Variants in VIPR2 observed in about 807,000 individuals in gnomAD.
The protein encoded by VIPR2 is vasoactive intestinal peptide receptor 2.
VIPR2 carries 48 observed loss-of-function variants against 58.0 expected under a neutral mutation model. That is an observed-to-expected ratio of 0.83 (90% CI 0.66 to 1.05). VIPR2 has a LOEUF of 1.05. Among genes scored for constraint, VIPR2 ranks in the 50% least tolerant of loss-of-function variants. The pLI is 0.00. For synonymous variants in VIPR2, 243 were observed against 235.2 expected (o/e 1.03, Z -0.30); for missense variants, 534 against 558.0 (o/e 0.96, Z 0.43).
intron 2 of VIPR2, among the ~76,000 whole-genome samples, chr7:159,137,835 AGTT>A (rs1797292202): frequency 6.6e-6 from 1 of 152,232 alleles, no homozygotes; most frequent in South Asian, 2.1e-4. Flanking sequence ...CAGTCCAAAA[AGTT>A]ATTTGGACTA....
At chr7:159,042,046 G>A (rs1277560612) in intron 6 of VIPR2, among the ~76,000 whole-genome samples, 2 of 152,200 alleles carry the variant, frequency 1.3e-5, no homozygotes, top group African/African-American at 4.8e-5. Context: ...TCACGCGCCA[G>A]CTTATCCCCA....
rs1053923574 is a variant in VIPR2, at chr7:159,098,186, G to A, written c.357+5571C>T. Among the ~76,000 whole-genome samples, 2 of 152,230 alleles carry A rather than the reference G, an allele frequency of 1.3e-5. No homozygotes were observed. Among genetic ancestry groups the A allele is most frequent in the African/African-American group, 4.8e-5 (2 of 41,462 alleles). The stretch of plus-strand genomic sequence containing the variant: ...TCCATCAGCACAGAAGAGTTGTGAT[G>A]GGATGAAGGGCAGGGCAGGGCAGGG... On this transcript the variant is annotated intron_variant, in intron 4 of 12. Coordinates refer to ENST00000262178, the MANE Select transcript of VIPR2 (RefSeq NM_003382.5). The surrounding 1 kb of genome is among the most constrained non-coding windows in gnomAD (Gnocchi z 5.2).
At chr7:159,070,155 G>A (rs897769379) in intron 4 of VIPR2, among the ~76,000 whole-genome samples, 2 of 152,276 alleles carry the variant, frequency 1.3e-5, no homozygotes, top group East Asian at 1.9e-4. Flanking sequence ...CATATTCATC[G>A]TGAGATTCCT....
At chr7:159,040,330 C>T (rs541334198) in intron 6 of VIPR2, among the ~76,000 whole-genome samples, 8 of 152,390 alleles carry the variant, frequency 5.2e-5, no homozygotes, top group African/African-American at 1.7e-4. Context: ...TCCTCAGCCC[C>T]GTGGCCTTGT....
rs117741016 is a variant in VIPR2, at chr7:159,130,966, G to A, written c.151+11480C>T. ...CTCAAGCAGCTGCAGACATCTGAGC[G>A]TGCTCTGGACATGGCATCCAAGGCC... On this transcript the variant is annotated intron_variant, in intron 2 of 12. Transcript: ENST00000262178. Among the ~76,000 whole-genome samples, 13 of 152,290 alleles carry A rather than the reference G, an allele frequency of 8.5e-5. No homozygotes were observed. The East Asian group carries it at 2.3e-3, about 27-fold the overall frequency.
chr7:159,061,034 A>T (rs1279194921), intron 4 of VIPR2, among the ~76,000 whole-genome samples: 1 of 152,238 alleles, frequency 6.6e-6, no homozygotes, highest in Non-Finnish European at 1.5e-5. Context: ...CATACAGAGC[A>T]TGGAATATTA....
intron 5 of VIPR2, among the ~76,000 whole-genome samples, chr7:159,048,664 CTTTTT>C (rs1196675288): frequency 2.6e-5 from 4 of 152,182 alleles, no homozygotes; most frequent in Non-Finnish European, 5.9e-5. Flanking sequence ...TCACTGGTTT[CTTTTT>C]ATTTTTAAAA....
At chr7:159,041,059 T>G (rs934087823) in intron 6 of VIPR2, among the ~76,000 whole-genome samples, 1 of 152,252 alleles carries the variant, frequency 6.6e-6, no homozygotes, top group Non-Finnish European at 1.5e-5. Flanking sequence ...CACATGCACC[T>G]GGGCTTTGGA....
intron 4 of VIPR2, among the ~76,000 whole-genome samples, chr7:159,063,409 G>T (rs940800469): frequency 6.6e-6 from 1 of 152,028 alleles, no homozygotes; most frequent in Non-Finnish European, 1.5e-5. Flanking sequence ...GCCCGGGGCC[G>T]GCAGCGCCGG....
At position 159,095,567 on chromosome 7, in the gene VIPR2, A is replaced by G. The variant is rs915505338; in HGVS notation, c.357+8190T>C. On this transcript the variant is annotated intron_variant, in intron 4 of 12. Transcript: ENST00000262178. This position sits in a 1 kb window ranked among gnomAD's most constrained non-coding sequence, Gnocchi z 5.2. ...TACTTAAAATTTGATTTTTGTAAAT[A>G]TAAAACCAATATATTCTTATTTTTG... Among the ~76,000 whole-genome samples the G allele has an allele frequency of 1.3e-5, 2 of 152,260 alleles. No individual in the cohort carries two copies. Among genetic ancestry groups the G allele is most frequent in the Non-Finnish European group, 2.9e-5 (2 of 68,046 alleles).
chr7:159,092,657 T>C (rs917219383), intron 4 of VIPR2, among the ~76,000 whole-genome samples: 52 of 150,344 alleles, frequency 3.5e-4, no homozygotes, highest in Non-Finnish European at 6.2e-4. Context: ...TTTCTTTTTT[T>C]TTTTTTTTTT....
rs766163117 is a variant in VIPR2, at chr7:159,031,868, C to A, written c.1103G>T (p.Gly368Val). ...LFELCLGSFQ[G>V]LVVAVLYCFL... Reference sequence around the variant, plus strand: ...ACAGTAGAGGACGGCCACCACCAGGCCCTGCAATGAGAAGAGATGGTCAGG... The same window carrying A: ...ACAGTAGAGGACGGCCACCACCAGGACCTGCAATGAGAAGAGATGGTCAGG... Residue 368 changes from glycine (G) to valine (V), a missense_variant and splice_region_variant, in exon 12 of 13, where the codon GGC becomes GTC. By Grantham distance (109) the Gly-to-Val change is moderately radical. Transcript: ENST00000262178. The surrounding 1 kb of genome is among the most constrained non-coding windows in gnomAD (Gnocchi z 4.0). The A allele has an allele frequency of 1.9e-6, 3 of 1,613,966 alleles. No homozygotes were observed. The African/African-American group carries it at 4.0e-5, about 22-fold the overall frequency.
chr7:159,141,155 G>T (rs1228548853), intron 2 of VIPR2, among the ~76,000 whole-genome samples: 1 of 152,284 alleles, frequency 6.6e-6, no homozygotes, highest in African/African-American at 2.4e-5. Flanking sequence ...TGCTTCTGCC[G>T]TGGCAGACTG....
chr7:159,053,536 T>C lies in VIPR2; in HGVS notation c.455+4945A>G, dbSNP rs1855128611. 2.6e-5 allele frequency among the ~76,000 whole-genome samples: 4 copies of C among 151,754 alleles called. No individual in the cohort carries two copies. In the South Asian group the frequency reaches 8.3e-4, roughly 32 times the overall value. Reference sequence around the variant, plus strand: ...AATACCAAATGAAATTGCAATAGAATTTTTGTTTTTTTTGTTTTTTTGAGA... The same window carrying C: ...AATACCAAATGAAATTGCAATAGAACTTTTGTTTTTTTTGTTTTTTTGAGA... On this transcript the variant is annotated intron_variant, in intron 5 of 12. Coordinates refer to ENST00000262178, the MANE Select transcript of VIPR2 (RefSeq NM_003382.5).
chr7:159,058,528 G>C lies in VIPR2; in HGVS notation c.408C>G (p.Val136=), dbSNP rs375762948. The C allele has an allele frequency of 5.0e-5, 81 of 1,613,548 alleles. No homozygotes were observed. The highest frequency in any genetic ancestry group is 6.2e-5 in the Non-Finnish European group (73 of 1,179,626). Residue 136 remains valine (V), a synonymous_variant, in exon 5 of 13, where the codon GTC becomes GTG. Transcript: ENST00000262178. ...VKAIYTLGYS[V]SLMSLATGSI... is the part of the protein sequence containing the mutation. ...TTCCTGTTGCAAGAGACATCAGAGAGACACTGTAGCCCAGTGTATAAATGG... is the reference window on the plus strand; with the variant it reads ...TTCCTGTTGCAAGAGACATCAGAGACACACTGTAGCCCAGTGTATAAATGG...
Position 159,096,094 on chromosome 7 carries a change from T to A in VIPR2, c.357+7663A>T, listed in dbSNP as rs1365091242. Among the ~76,000 whole-genome samples the A allele has an allele frequency of 6.6e-6, 1 of 152,096 alleles. No homozygotes were observed. Among genetic ancestry groups the A allele is most frequent in the East Asian group, 1.9e-4 (1 of 5,158 alleles). On this transcript the variant is annotated intron_variant, in intron 4 of 12. Transcript: ENST00000262178. This position sits in a 1 kb window ranked among gnomAD's most constrained non-coding sequence, Gnocchi z 5.5. ...AGCTGCTGGGTGCCCAAGCTGAACA[T>A]CTGCCGCCCACATACAGACCTCCCC...
intron 2 of VIPR2, among the ~76,000 whole-genome samples, chr7:159,114,901 A>G (rs1220518276): frequency 6.6e-6 from 1 of 152,224 alleles, no homozygotes; most frequent in African/African-American, 2.4e-5. Context: ...ACATGTTTAA[A>G]CAGAATTGTA....
intron 1 of VIPR2, chr7:159,144,373 G>T: frequency 6.5e-7 from 1 of 1,542,998 alleles, no homozygotes; most frequent in Non-Finnish European, 8.7e-7. Flanking sequence ...CGCGCAGCCC[G>T]CGCAGGCGCC....
intron 4 of VIPR2, among the ~76,000 whole-genome samples, chr7:159,071,478 G>A (rs891794646): frequency 2.0e-5 from 3 of 152,182 alleles, no homozygotes; most frequent in Non-Finnish European, 4.4e-5. Context: ...CATGGGCATC[G>A]CGTTCTGTTC....
Sources: gnomAD v4.1 joint callset for allele counts (sites outside exome capture counted in the v4.1 genomes callset) on GRCh38, gnomAD v4.1.1 for gene constraint, Gnocchi (gnomAD v3.1) non-coding constraint, MANE v1.5 for transcripts, NCBI Gene and HGNC (gene_info 2026-07-23, HGNC 2026-07-21) for gene names.